CAMKMT: variants seen among roughly 807,000 people sequenced by gnomAD.
CAMKMT encodes CaM KMT.
In CAMKMT, 53 loss-of-function variants were observed where a neutral mutation model predicts 48.0. The observed-to-expected ratio is 1.10, with a 90% CI of 0.89 to 1.39. The LOEUF is 1.39. CAMKMT is among the 40% of genes most tolerant of loss of function. The pLI, the probability that CAMKMT is intolerant of heterozygous loss-of-function variation, is 0.00. For synonymous variants in CAMKMT, 165 were observed against 152.3 expected, an observed-to-expected ratio of 1.08 and a Z score of -0.61; for missense variants, 428 against 402.7, an observed-to-expected ratio of 1.06 and a Z score of -0.54.
intron 2 of CAMKMT, among the ~76,000 whole-genome samples, chr2:44,381,220 A>AT (rs1023384237): frequency 4.9e-4 from 74 of 152,264 alleles, no homozygotes; most frequent in African/African-American, 1.8e-3. Context: ...TTGAAATCAA[A>AT]TTTTTTATTT....
intron 3 of CAMKMT, among the ~76,000 whole-genome samples, chr2:44,530,610 A>G (rs1252277315): frequency 1.3e-5 from 2 of 152,088 alleles, no homozygotes; most frequent in Non-Finnish European, 2.9e-5. Flanking sequence ...TAAGGTTCTT[A>G]TAGGGCCAAA....
At chr2:44,584,023 A>T (rs1271235248) in intron 3 of CAMKMT, among the ~76,000 whole-genome samples, 2 of 152,126 alleles carry the variant, frequency 1.3e-5, no homozygotes, top group Non-Finnish European at 2.9e-5. Context: ...TGACCCAGAA[A>T]GCTTCCTTTG....
intron 3 of CAMKMT, among the ~76,000 whole-genome samples, chr2:44,593,503 T>G (rs1670446000): frequency 6.6e-6 from 1 of 152,168 alleles, no homozygotes; most frequent in Non-Finnish European, 1.5e-5. Flanking sequence ...AGGGCTCCAT[T>G]TGGGTTCCCT....
At chr2:44,381,383 TA>T (rs1359995407) in intron 2 of CAMKMT, among the ~76,000 whole-genome samples, 5 of 152,152 alleles carry the variant, frequency 3.3e-5, no homozygotes, top group Non-Finnish European at 7.4e-5. Context: ...TTCATCCTGA[TA>T]TATGAGAGAC....
At chr2:44,418,309 GA>G (rs1454707357) in intron 3 of CAMKMT, among the ~76,000 whole-genome samples, 2 of 150,924 alleles carry the variant, frequency 1.3e-5, no homozygotes, top group East Asian at 1.9e-4. Flanking sequence ...AAAAATCTAT[GA>G]ATTTTTTTTT....
At chr2:44,651,360 C>T (rs184267629) in intron 3 of CAMKMT, among the ~76,000 whole-genome samples, 1 of 152,284 alleles carries the variant, frequency 6.6e-6, no homozygotes, top group East Asian at 1.9e-4. Flanking sequence ...TGACCTGTGG[C>T]AACATGAAGA....
At chr2:44,373,883 G>T (rs867816437) in intron 2 of CAMKMT, among the ~76,000 whole-genome samples, 27 of 152,122 alleles carry the variant, frequency 1.8e-4, no homozygotes, top group African/African-American at 6.0e-4. Flanking sequence ...TAGCACTTCA[G>T]GAGGCCAAGG....
chr2:44,709,078 C>T (rs752692071), intron 6 of CAMKMT, among the ~76,000 whole-genome samples: 1 of 152,122 alleles, frequency 6.6e-6, no homozygotes, highest in Non-Finnish European at 1.5e-5. Flanking sequence ...AATTAACACA[C>T]CTTTGCTTTA....
At chr2:44,770,337 C>T (rs985853969) in intron 10 of CAMKMT, among the ~76,000 whole-genome samples, 2 of 152,250 alleles carry the variant, frequency 1.3e-5, no homozygotes, top group African/African-American at 2.4e-5. Context: ...GGGGCTGGCC[C>T]CTGGCCCCTT....
chr2:44,623,206 C>G (rs1214659063), intron 3 of CAMKMT, among the ~76,000 whole-genome samples: 1 of 151,934 alleles, frequency 6.6e-6, no homozygotes, highest in Non-Finnish European at 1.5e-5. Context: ...AATTAAGCTC[C>G]TTATAGATTC....
At chr2:44,503,512 G>A (rs1442666985) in intron 3 of CAMKMT, among the ~76,000 whole-genome samples, 1 of 152,182 alleles carries the variant, frequency 6.6e-6, no homozygotes, top group Non-Finnish European at 1.5e-5. Flanking sequence ...GGCTTGAGAT[G>A]TCATAGAAGT....
chr2:44,718,841 G>T (rs1027888482), intron 7 of CAMKMT, among the ~76,000 whole-genome samples: 6 of 152,158 alleles, frequency 3.9e-5, no homozygotes, highest in African/African-American at 1.2e-4. Context: ...GATAATCCAT[G>T]AATTTTAGTA....
At chr2:44,742,572 G>A (rs531847713) in intron 7 of CAMKMT, among the ~76,000 whole-genome samples, 1 of 152,314 alleles carries the variant, frequency 6.6e-6, no homozygotes, top group South Asian at 2.1e-4. Flanking sequence ...AGTTGGACAA[G>A]TCAATGAACA....
intron 3 of CAMKMT, among the ~76,000 whole-genome samples, chr2:44,498,915 G>A (rs1430288207): frequency 1.3e-5 from 2 of 152,110 alleles, no homozygotes; most frequent in Non-Finnish European, 2.9e-5. Context: ...TGGTAATGGC[G>A]GGGGTTGGGG....
At chr2:44,562,206 T>C (rs1299479882) in intron 3 of CAMKMT, among the ~76,000 whole-genome samples, 1 of 152,180 alleles carries the variant, frequency 6.6e-6, no homozygotes. Context: ...ATGTCCCCCT[T>C]CCCATTCCAC....
At chr2:44,526,561 C>T (rs890567950) in intron 3 of CAMKMT, among the ~76,000 whole-genome samples, 3 of 152,092 alleles carry the variant, frequency 2.0e-5, no homozygotes, top group African/African-American at 2.4e-5. Flanking sequence ...GGTCTGAGTC[C>T]GAAGGTCCAA....
intron 2 of CAMKMT, among the ~76,000 whole-genome samples, chr2:44,378,740 C>T (rs1177511981): frequency 6.6e-6 from 1 of 152,168 alleles, no homozygotes; most frequent in East Asian, 1.9e-4. Context: ...GATCCACCCA[C>T]CTTGGCCTCC....
At chr2:44,551,000 AAC>A (rs1558696196) in intron 3 of CAMKMT, among the ~76,000 whole-genome samples, 1 of 152,202 alleles carries the variant, frequency 6.6e-6, no homozygotes, top group African/African-American at 2.4e-5. Context: ...AAGACCTGGA[AAC>A]CAGATGTTTT....
At chr2:44,656,533 A>G (rs979640796) in intron 3 of CAMKMT, among the ~76,000 whole-genome samples, 12 of 152,206 alleles carry the variant, frequency 7.9e-5, no homozygotes, top group African/African-American at 2.9e-4. Context: ...CCATGGCTAC[A>G]TGACTGTAAT....
Sources: gnomAD v4.1 joint callset for allele counts (sites outside exome capture counted in the v4.1 genomes callset) on GRCh38, gnomAD v4.1.1 for gene constraint, MANE v1.5 for transcripts, NCBI Gene and HGNC (gene_info 2026-07-23, HGNC 2026-07-21) for gene names.